The following SEMA5A variants were observed in gnomAD, a reference collection of about 807,000 sequenced individuals.
SEMA5A encodes the protein semaphorin 5A.
Under a neutral mutation model 135.5 loss-of-function variants are expected in SEMA5A, and 55 were observed. The ratio of observed to expected loss-of-function variants is 0.41; its 90% CI spans 0.33 to 0.51. The LOEUF is 0.51. SEMA5A is among the 20% of genes least tolerant of loss of function. The probability of loss-of-function intolerance (pLI) is 0.37; values close to 1 mark genes in which losing one functional copy is unlikely to be tolerated. For synonymous variants in SEMA5A, 580 were observed against 546.5 expected, an observed-to-expected ratio of 1.06 and a Z score of -0.85; for missense variants, 1,290 against 1,419.9, an observed-to-expected ratio of 0.91 and a Z score of 1.47.
chr5:9,190,491 A>C lies in SEMA5A; in HGVS notation c.1069-20T>G. ...GCCACACTGAAAGGGAAGACGGGCC[A>C]GGTTACCAGAGCCGGCAGCCTGGAC... On this transcript the variant is annotated intron_variant, in intron 10 of 22. Transcript: ENST00000382496. 1 of 1,609,810 alleles carries C rather than the reference A, an allele frequency of 6.2e-7. No homozygotes were observed. Among genetic ancestry groups the C allele is most frequent in the Non-Finnish European group, 8.5e-7 (1 of 1,178,620 alleles).
intron 5 of SEMA5A, among the ~76,000 whole-genome samples, chr5:9,265,179 G>A (rs180959530): frequency 6.6e-6 from 1 of 152,130 alleles, no homozygotes. Context: ...TGGTGTGAGA[G>A]TAAAATTCAG....
At chr5:9,416,735 C>A (rs901984001) in intron 2 of SEMA5A, among the ~76,000 whole-genome samples, 1 of 152,160 alleles carries the variant, frequency 6.6e-6, no homozygotes, top group Non-Finnish European at 1.5e-5. Context: ...AATTTTACTT[C>A]CCCTCCTCAG....
intron 1 of SEMA5A, among the ~76,000 whole-genome samples, chr5:9,465,187 G>A (rs1759211848): frequency 2.0e-5 from 3 of 152,208 alleles, no homozygotes. Flanking sequence ...CAGTCTCATT[G>A]TTAACATGTT....
chr5:9,348,549 T>G (rs1313036080), intron 3 of SEMA5A, among the ~76,000 whole-genome samples: 1 of 152,222 alleles, frequency 6.6e-6, no homozygotes, highest in Non-Finnish European at 1.5e-5. Flanking sequence ...CAGAAGGGTT[T>G]TCATTTTGAC....
chr5:9,165,981 T>A (rs1180958259), intron 11 of SEMA5A, among the ~76,000 whole-genome samples: 2 of 152,100 alleles, frequency 1.3e-5, no homozygotes, highest in Non-Finnish European at 2.9e-5. Context: ...GAAAAAAAGG[T>A]CTTCTTGGCT....
At chr5:9,154,454 A>G in intron 12 of SEMA5A, 34 bp downstream of exon 12, 2 of 1,605,468 alleles carry the variant, frequency 1.2e-6, no homozygotes, top group South Asian at 2.2e-5. Context: ...CTTCACACAC[A>G]CACCAGTGCA....
intron 1 of SEMA5A, chr5:9,519,741 A>G (rs268558): frequency 0.68 from 102,819 of 152,000 alleles, 35,703 homozygotes; most frequent in African/African-American, 0.71. Context: ...GGCCAAAACC[A>G]CTCTGAGACC....
chr5:9,383,189 C>T (rs1318811858), intron 2 of SEMA5A, among the ~76,000 whole-genome samples: 1 of 152,232 alleles, frequency 6.6e-6, no homozygotes, highest in Non-Finnish European at 1.5e-5. Flanking sequence ...AAACTGGTGT[C>T]TGCTTTAGAA....
chr5:9,529,917 G>A (rs192975651), intron 1 of SEMA5A, among the ~76,000 whole-genome samples: 1 of 152,238 alleles, frequency 6.6e-6, no homozygotes, highest in Non-Finnish European at 1.5e-5. Context: ...TGGACCTGTA[G>A]CCCTAGGCAT....
intron 1 of SEMA5A, among the ~76,000 whole-genome samples, chr5:9,438,428 A>G (rs1435590435): frequency 6.6e-6 from 1 of 152,178 alleles, no homozygotes; most frequent in Non-Finnish European, 1.5e-5. Flanking sequence ...AACCAAGTAA[A>G]CCTGTCCAAT....
intron 10 of SEMA5A, 80 bp downstream of exon 10, chr5:9,197,088 T>C: frequency 6.3e-7 from 1 of 1,582,620 alleles, no homozygotes; most frequent in Non-Finnish European, 8.6e-7. Context: ...GCGGTTTAAA[T>C]TACCCTTGCC....
At chr5:9,085,360 G>T (rs1269356540) in intron 16 of SEMA5A, among the ~76,000 whole-genome samples, 15 of 152,174 alleles carry the variant, frequency 9.9e-5, no homozygotes, top group Admixed American at 9.8e-4. Context: ...AGGCCCAGAG[G>T]CCTAGGAGGA....
intron 1 of SEMA5A, among the ~76,000 whole-genome samples, chr5:9,451,772 A>T (rs1464718068): frequency 6.6e-6 from 1 of 152,212 alleles, no homozygotes. Context: ...GAAATGGCCC[A>T]GGTTTCTTGA....
intron 11 of SEMA5A, among the ~76,000 whole-genome samples, chr5:9,163,470 C>T (rs1159598363): frequency 6.6e-6 from 1 of 152,184 alleles, no homozygotes; most frequent in Non-Finnish European, 1.5e-5. Flanking sequence ...AAGTAGCTAA[C>T]ATGAATTTTA....
chr5:9,383,702 A>G (rs538612190), intron 2 of SEMA5A, among the ~76,000 whole-genome samples: 1 of 152,334 alleles, frequency 6.6e-6, no homozygotes, highest in South Asian at 2.1e-4. Flanking sequence ...CATCTAAGCC[A>G]ACATAGATTC....
intron 21 of SEMA5A, chr5:9,045,860 A>T (rs566308897): frequency 6.6e-6 from 1 of 152,252 alleles, no homozygotes; most frequent in Admixed American, 6.5e-5. Context: ...TCTCTAAAAT[A>T]GGATTGGCTC....
intron 1 of SEMA5A, among the ~76,000 whole-genome samples, chr5:9,495,808 G>A (rs1735273894): frequency 6.6e-6 from 1 of 152,156 alleles, no homozygotes; most frequent in South Asian, 2.1e-4. Flanking sequence ...TTCCAGTTTA[G>A]CAATTTGTCC....
chr5:9,208,219 T>C (rs572095606), intron 8 of SEMA5A, among the ~76,000 whole-genome samples: 1 of 152,010 alleles, frequency 6.6e-6, no homozygotes, highest in Non-Finnish European at 1.5e-5. Flanking sequence ...GTAAATAGTA[T>C]CAGTAATTAA....
chr5:9,404,428 C>T (rs756093234), intron 2 of SEMA5A, among the ~76,000 whole-genome samples: 53 of 152,116 alleles, frequency 3.5e-4, no homozygotes, highest in Non-Finnish European at 7.1e-4. Flanking sequence ...AAATAACAAC[C>T]TCCACTATAT....
Sources: gnomAD v4.1 joint callset for allele counts (sites outside exome capture counted in the v4.1 genomes callset) on GRCh38, gnomAD v4.1.1 for gene constraint, MANE v1.5 for transcripts, NCBI Gene and HGNC (gene_info 2026-07-23, HGNC 2026-07-21) for gene names.